The following PHC2 variants were observed in gnomAD, a reference collection of about 807,000 sequenced individuals.
PHC2 encodes the protein polyhomeotic homolog 2, also known as polyhomeotic-like protein 2.
In PHC2, 29 loss-of-function variants were observed where a neutral mutation model predicts 87.4. The ratio of observed to expected loss-of-function variants is 0.33; its 90% CI spans 0.25 to 0.45. PHC2 has a LOEUF of 0.45. Among genes scored for constraint, PHC2 ranks in the 20% least tolerant of loss-of-function variants. The pLI, the probability that PHC2 is intolerant of heterozygous loss-of-function variation, is 1.00. For missense variants in PHC2, 857 were observed against 1,136.7 expected, an observed-to-expected ratio of 0.75 and a Z score of 3.54; for synonymous variants, 438 against 461.7, an observed-to-expected ratio of 0.95 and a Z score of 0.66.
At position 33,364,356 on chromosome 1, in the gene PHC2, C is replaced by T. The variant is rs1647308677; in HGVS notation, c.976+2760G>A. ...TGCGCGCTCGCTTGCTTTCTCTCTC[C>T]CAGACACACACACACACACACACAC... is the stretch of plus-strand genomic sequence containing the variant. On this transcript the variant is annotated intron_variant, in intron 7 of 14. Coordinates refer to ENST00000683057, the MANE Select transcript of PHC2 (RefSeq NM_001385109.1). The surrounding 1 kb of genome is among the most constrained non-coding windows in gnomAD (Gnocchi z 4.1). Among the ~76,000 whole-genome samples, 1 of 117,670 alleles carries T rather than the reference C, an allele frequency of 8.5e-6. No individual in the cohort carries two copies. The highest frequency in any genetic ancestry group is 2.9e-5 in the African/African-American group (1 of 34,666). The allele number at this position is 117,670 out of a possible 152,430, so 77.2% of individuals were successfully genotyped here. A position where few individuals can be genotyped will look rare whatever the true frequency, so the allele number is the denominator to read the frequency against.
chr1:33,379,396 C>T (rs1256637706), intron 1 of PHC2, among the ~76,000 whole-genome samples: 8 of 50,766 alleles, frequency 1.6e-4, no homozygotes, highest in Admixed American at 1.4e-3. Context: ...CCGGTCTCCC[C>T]TGCCCACTGT....
At chr1:33,330,251 TTG>T (rs776463226) in intron 12 of PHC2, 39 bp from the exon 13 acceptor site, 1 of 1,609,118 alleles carries the variant, frequency 6.2e-7, no homozygotes, top group Admixed American at 1.7e-5. Flanking sequence ...ACAGTAGTCA[TTG>T]TGCTTATGGG....
chr1:33,354,895 T>G lies in PHC2; in HGVS notation c.1335A>C (p.Gln445His), dbSNP rs1224566737. The G allele has an allele frequency of 6.2e-7, 1 of 1,614,076 alleles. No homozygotes were observed. Among genetic ancestry groups the G allele is most frequent in the Non-Finnish European group, 8.5e-7 (1 of 1,180,048 alleles). ...GHPEGVPHTP[Q>H]RRFQHTSAVI... ...CAGCTGAAGTGTGCTGGAACCTGCG[T>G]TGAGGGGTGTGGGGCACGCCCTCGG... is the stretch of plus-strand genomic sequence containing the variant. The change falls in exon 8 of 15, where the codon CAA becomes CAC. Residue 445 changes from glutamine to histidine, a missense_variant. Coordinates refer to ENST00000683057, the MANE Select transcript of PHC2 (RefSeq NM_001385109.1).
At position 33,399,214 on chromosome 1, in the gene PHC2, A is replaced by G. The variant is rs577453045; in HGVS notation, c.-54-23621T>C. On this transcript the variant is annotated intron_variant, in intron 1 of 14. Transcript: ENST00000683057. Reference sequence around the variant, plus strand: ...GTTTCCTTGTCTTTAAAGCAGAAAGAACAATCCTTGAAGGGACCCTACAAG... The same window carrying G: ...GTTTCCTTGTCTTTAAAGCAGAAAGGACAATCCTTGAAGGGACCCTACAAG... Among the ~76,000 whole-genome samples, 23 of 152,274 alleles carry G rather than the reference A, an allele frequency of 1.5e-4. 1 individual carries two copies. The highest frequency in any genetic ancestry group is 1.3e-3 in the Admixed American group (20 of 15,302).
At chr1:33,389,618 G>C (rs1648948496) in intron 1 of PHC2, among the ~76,000 whole-genome samples, 1 of 152,238 alleles carries the variant, frequency 6.6e-6, no homozygotes, top group African/African-American at 2.4e-5. Flanking sequence ...CCTGGGCCTA[G>C]CTCTGGGGCC....
chr1:33,343,379 A>G (rs1570462688), intron 9 of PHC2, among the ~76,000 whole-genome samples: 1 of 147,988 alleles, frequency 6.8e-6, no homozygotes, highest in African/African-American at 2.5e-5. Context: ...CTGAGGCAGG[A>G]GAATTGCTTG....
intron 1 of PHC2, among the ~76,000 whole-genome samples, chr1:33,402,064 CAA>C (rs1317055329): frequency 6.6e-6 from 1 of 151,882 alleles, no homozygotes; most frequent in African/African-American, 2.4e-5. Context: ...TCACACATAA[CAA>C]AAAGAGAATT....
At chr1:33,390,363 T>C (rs547962977) in intron 1 of PHC2, among the ~76,000 whole-genome samples, 21 of 152,370 alleles carry the variant, frequency 1.4e-4, no homozygotes, top group African/African-American at 5.0e-4. Flanking sequence ...CTTTTCACCA[T>C]CTAGTTACTA....
Position 33,421,752 on chromosome 1 carries a change from G to T in PHC2, c.-55+9224C>A, listed in dbSNP as rs536195791. On this transcript the variant is annotated intron_variant, in intron 1 of 14. Coordinates refer to ENST00000683057, the MANE Select transcript of PHC2 (RefSeq NM_001385109.1). Reference sequence around the variant, plus strand: ...CACATGCCATTAACAAACTGGGGTTGAATGAACAAACATATATATTCAAGA... The same window carrying T: ...CACATGCCATTAACAAACTGGGGTTTAATGAACAAACATATATATTCAAGA... Among the ~76,000 whole-genome samples, 4 of 152,282 alleles carry T rather than the reference G, an allele frequency of 2.6e-5. No homozygotes were observed. The East Asian group carries it at 7.7e-4, about 29-fold the overall frequency.
At chr1:33,421,229 T>A (rs183493440) in intron 1 of PHC2, among the ~76,000 whole-genome samples, 1 of 152,100 alleles carries the variant, frequency 6.6e-6, no homozygotes, top group East Asian at 1.9e-4. Flanking sequence ...AAGAAAATAA[T>A]GTAGTCTACA....
intron 9 of PHC2, among the ~76,000 whole-genome samples, chr1:33,337,485 C>T (rs1453961229): frequency 1.3e-5 from 2 of 152,198 alleles, no homozygotes; most frequent in Non-Finnish European, 2.9e-5. Flanking sequence ...GGCTTAGAGA[C>T]TGGTCTCTAT....
At chr1:33,339,829 T>C (rs776270111) in intron 9 of PHC2, among the ~76,000 whole-genome samples, 6 of 152,246 alleles carry the variant, frequency 3.9e-5, no homozygotes, top group Non-Finnish European at 7.3e-5. Context: ...TTTAGAATAT[T>C]TGCATTATAC....
intron 9 of PHC2, chr1:33,346,545 A>G: frequency 1.0e-6 from 1 of 985,196 alleles, no homozygotes; most frequent in Non-Finnish European, 1.2e-6. Flanking sequence ...GGAGAAGTTT[A>G]ATATAAATTT....
intron 9 of PHC2, among the ~76,000 whole-genome samples, chr1:33,351,024 G>A (rs1204056595): frequency 6.6e-6 from 1 of 152,122 alleles, no homozygotes; most frequent in Non-Finnish European, 1.5e-5. Context: ...TGCATGTCCA[G>A]GTCCTACCTA....
intron 2 of PHC2, among the ~76,000 whole-genome samples, chr1:33,372,762 C>T (rs72658272): frequency 0.1 from 15,542 of 152,290 alleles, 1,055 homozygotes; most frequent in East Asian, 0.27. Flanking sequence ...AACTCTTGGG[C>T]AGTAGGGAGG....
chr1:33,408,900 G>A (rs1470467928), intron 1 of PHC2, among the ~76,000 whole-genome samples: 1 of 152,174 alleles, frequency 6.6e-6, no homozygotes, highest in Non-Finnish European at 1.5e-5. Flanking sequence ...AGACTCTCAG[G>A]AATTCATCTC....
intron 1 of PHC2, among the ~76,000 whole-genome samples, chr1:33,414,177 T>TCACACACACA (rs201845759): frequency 6.9e-4 from 98 of 142,854 alleles, no homozygotes; most frequent in African/African-American, 9.9e-4. Flanking sequence ...TCTCTCTCTG[T>TCACACACACA]CACACACACA....
intron 1 of PHC2, among the ~76,000 whole-genome samples, chr1:33,417,792 C>T (rs1018373353): frequency 6.6e-6 from 1 of 152,108 alleles, no homozygotes; most frequent in African/African-American, 2.4e-5. Context: ...ATATATAGAA[C>T]ATTCCACCTA....
At chr1:33,429,096 C>T (rs894837854) in intron 1 of PHC2, among the ~76,000 whole-genome samples, 1 of 152,148 alleles carries the variant, frequency 6.6e-6, no homozygotes, top group Admixed American at 6.5e-5. Context: ...TAGATTTGCC[C>T]CTCTCAGATG....
Sources: allele counts gnomAD v4.1 joint callset (sites outside exome capture counted in the v4.1 genomes callset), GRCh38; gene constraint gnomAD v4.1.1; non-coding constraint Gnocchi (gnomAD v3.1); transcripts MANE v1.5; gene names NCBI Gene and HGNC (gene_info 2026-07-23, HGNC 2026-07-21).